The following BCKDHB variants were observed in gnomAD, a reference collection of about 807,000 sequenced individuals.
BCKDHB encodes the protein 2-oxoisovalerate dehydrogenase subunit beta, mitochondrial.
A neutral mutation model predicts 48.5 loss-of-function variants in BCKDHB; 41 were observed. The ratio of observed to expected loss-of-function variants is 0.85; its 90% CI spans 0.66 to 1.10. BCKDHB has a LOEUF of 1.10. Ranked by LOEUF, BCKDHB falls within the 50% of genes least tolerant of loss-of-function variation. BCKDHB has a pLI of 0.00. For missense variants in BCKDHB, 496 were observed against 494.2 expected, an observed-to-expected ratio of 1.00 and a Z score of -0.03; for synonymous variants, 201 against 174.8, an observed-to-expected ratio of 1.15 and a Z score of -1.18.
chr6:80,163,818 G>A (rs968312967), intron 3 of BCKDHB, among the ~76,000 whole-genome samples: 1 of 152,058 alleles, frequency 6.6e-6, no homozygotes, highest in Non-Finnish European at 1.5e-5. Context: ...TGTCCTTCAG[G>A]TTACCCAGGC....
At chr6:80,278,264 T>C (rs1185776817) in intron 9 of BCKDHB, among the ~76,000 whole-genome samples, 1 of 152,146 alleles carries the variant, frequency 6.6e-6, no homozygotes, top group Non-Finnish European at 1.5e-5. Flanking sequence ...TACTAAAAGA[T>C]GGAGCCAGAG....
the BCKDHB span, among the ~76,000 whole-genome samples, chr6:80,404,752 G>T: frequency 8.6e-5 from 13 of 151,808 alleles, no homozygotes; most frequent in African/African-American, 3.1e-4. Context: ...TTTGGTATAT[G>T]TGTTGCCATT....
At chr6:80,367,878 T>C in the BCKDHB span, among the ~76,000 whole-genome samples, 1 of 152,266 alleles carries the variant, frequency 6.6e-6, no homozygotes, top group Non-Finnish European at 1.5e-5. Flanking sequence ...ATGCATGTGG[T>C]CCATTGCCCC....
At chr6:80,338,480 C>T (rs1381316304) in intron 9 of BCKDHB, among the ~76,000 whole-genome samples, 1 of 152,146 alleles carries the variant, frequency 6.6e-6, no homozygotes. Context: ...GGCCTGAGTG[C>T]ATTTAAGGCT....
At chr6:80,321,398 C>T (rs1258388381) in intron 9 of BCKDHB, among the ~76,000 whole-genome samples, 5 of 152,156 alleles carry the variant, frequency 3.3e-5, no homozygotes, top group Admixed American at 6.6e-5. Context: ...TCCTATCCCT[C>T]GTCCAGGTGG....
the BCKDHB span, among the ~76,000 whole-genome samples, chr6:80,419,293 GT>G: frequency 6.6e-6 from 1 of 152,296 alleles, no homozygotes; most frequent in East Asian, 1.9e-4. Flanking sequence ...CCATGCTGTA[GT>G]TCTCTGCTGG....
chr6:80,164,840 A>G (rs1236352470), intron 3 of BCKDHB, among the ~76,000 whole-genome samples: 1 of 152,160 alleles, frequency 6.6e-6, no homozygotes, highest in Non-Finnish European at 1.5e-5. Context: ...GGAACTTTAC[A>G]TTGGATGAAT....
intron 3 of BCKDHB, among the ~76,000 whole-genome samples, chr6:80,152,968 C>T (rs1345638928): frequency 1.3e-5 from 2 of 152,162 alleles, no homozygotes; most frequent in Non-Finnish European, 2.9e-5. Context: ...GGATCAGTTG[C>T]CCCTCATTTC....
At chr6:80,254,593 T>C (rs567879842) in intron 8 of BCKDHB, among the ~76,000 whole-genome samples, 3 of 152,090 alleles carry the variant, frequency 2.0e-5, no homozygotes, top group Non-Finnish European at 4.4e-5. Context: ...CCATCTACTC[T>C]GTAGGTTGAG....
intron 3 of BCKDHB, among the ~76,000 whole-genome samples, chr6:80,134,275 C>T (rs1770775635): frequency 6.6e-6 from 1 of 152,160 alleles, no homozygotes; most frequent in Admixed American, 6.5e-5. Context: ...TTTTCCATTA[C>T]TGTATCCATT....
chr6:80,330,062 G>A (rs903048184), intron 9 of BCKDHB, among the ~76,000 whole-genome samples: 6 of 151,656 alleles, frequency 4.0e-5, no homozygotes, highest in Admixed American at 6.6e-5. Context: ...GCAGGGTGTA[G>A]GAAAACAAGA....
intron 9 of BCKDHB, among the ~76,000 whole-genome samples, chr6:80,328,056 G>A (rs573589096): frequency 6.6e-6 from 1 of 151,918 alleles, no homozygotes; most frequent in South Asian, 2.1e-4. Context: ...AAGAACCAAG[G>A]GCTGAAGTTC....
At chr6:80,366,532 G>A in the BCKDHB span, among the ~76,000 whole-genome samples, 1 of 152,274 alleles carries the variant, frequency 6.6e-6, no homozygotes, top group East Asian at 1.9e-4. Context: ...GACCCTACAA[G>A]TGATAATGTG....
chr6:80,113,504 G>A (rs1050370116), intron 1 of BCKDHB, among the ~76,000 whole-genome samples: 17 of 152,226 alleles, frequency 1.1e-4, no homozygotes, highest in Non-Finnish European at 2.1e-4. Flanking sequence ...TTGCCTCTGT[G>A]CTTAGGCATT....
At chr6:80,129,356 A>C (rs1770512831) in intron 3 of BCKDHB, 127 bp downstream of exon 3, 1 of 751,770 alleles carries the variant, frequency 1.3e-6, no homozygotes, top group Admixed American at 2.0e-5. Context: ...TTTCATTTCC[A>C]ACGCCACCCG....
Position 80,120,872 on chromosome 6 carries a change from T to C in BCKDHB, c.197-6675T>C, listed in dbSNP as rs1156719159. ...GCAGAAGCTCTTTAGTTTAATTAGA[T>C]CCCCTTTGTCTATTTTGTCTTTTGT... is the stretch of plus-strand genomic sequence containing the variant. On this transcript the variant is annotated intron_variant, in intron 1 of 9. Transcript: ENST00000320393. Among the ~76,000 whole-genome samples the C allele has an allele frequency of 2.0e-5, 3 of 152,304 alleles. No individual in the cohort carries two copies. In the East Asian group the frequency reaches 5.8e-4, roughly 29 times the overall value.
intron 9 of BCKDHB, among the ~76,000 whole-genome samples, chr6:80,342,074 G>A (rs949328973): frequency 6.6e-6 from 1 of 152,142 alleles, no homozygotes; most frequent in East Asian, 1.9e-4. Flanking sequence ...GGGCCAAAGG[G>A]AGGTCTGTAA....
chr6:80,364,886 GAGAAATAAAGAGAGACAGTATA>G, the BCKDHB span, among the ~76,000 whole-genome samples: 1 of 152,162 alleles, frequency 6.6e-6, no homozygotes, highest in Non-Finnish European at 1.5e-5. Context: ...TTGGCCAGCT[GAGAAATAAAGAGAGACAGTATA>G]AAGAGAAGAA....
the BCKDHB span, among the ~76,000 whole-genome samples, chr6:80,397,693 C>T: frequency 6.6e-6 from 1 of 152,124 alleles, no homozygotes; most frequent in African/African-American, 2.4e-5. Flanking sequence ...ACCAGCTTGT[C>T]CAACATGGTG....
Sources: allele counts gnomAD v4.1 joint callset (sites outside exome capture counted in the v4.1 genomes callset), GRCh38; gene constraint gnomAD v4.1.1; transcripts MANE v1.5; gene names NCBI Gene and HGNC (gene_info 2026-07-23, HGNC 2026-07-21).